Variants in RIT2 observed in about 807,000 individuals in gnomAD.
RIT2 encodes GTP-binding protein Rit2.
A neutral mutation model predicts 23.7 loss-of-function variants in RIT2; 24 were observed. That is an observed-to-expected ratio of 1.01 (90% CI 0.73 to 1.43). The LOEUF (loss-of-function observed/expected upper bound fraction) is 1.43, where lower values mean the gene tolerates loss of function less well. RIT2 is among the 40% of genes most tolerant of loss of function. The pLI is 0.00. For missense variants in RIT2, 236 were observed against 266.9 expected (o/e 0.88, Z 0.81); for synonymous variants, 107 against 91.1 (o/e 1.17, Z -0.99).
chr18:43,103,784 C>T (rs563586678), intron 1 of RIT2, among the ~76,000 whole-genome samples: 34 of 152,098 alleles, frequency 2.2e-4, no homozygotes, highest in East Asian at 1.5e-3. Context: ...TCTAAAATGA[C>T]GGTGTTGGAA....
At chr18:42,910,642 C>T (rs956295515) in intron 4 of RIT2, among the ~76,000 whole-genome samples, 5 of 152,040 alleles carry the variant, frequency 3.3e-5, no homozygotes, top group Non-Finnish European at 2.9e-5. Flanking sequence ...GAAGAAGCAC[C>T]TGAATGTTGA....
intron 1 of RIT2, among the ~76,000 whole-genome samples, chr18:43,083,557 G>A (rs892799700): frequency 1.3e-5 from 2 of 152,000 alleles, no homozygotes; most frequent in Non-Finnish European, 2.9e-5. Flanking sequence ...ACAGAACAGA[G>A]GCCTCAGAAA....
At chr18:42,772,347 A>C (rs1913571388) in intron 4 of RIT2, among the ~76,000 whole-genome samples, 1 of 152,112 alleles carries the variant, frequency 6.6e-6, no homozygotes, top group African/African-American at 2.4e-5. Context: ...ATCTCAAAGT[A>C]AGTATCTTTC....
At chr18:43,103,867 G>T (rs1204773684) in intron 1 of RIT2, among the ~76,000 whole-genome samples, 2 of 152,128 alleles carry the variant, frequency 1.3e-5, no homozygotes, top group Non-Finnish European at 2.9e-5. Context: ...GTATGAAGTG[G>T]TATGAAGAGC....
intron 2 of RIT2, among the ~76,000 whole-genome samples, chr18:43,016,648 C>A (rs1911482130): frequency 6.6e-6 from 1 of 151,788 alleles, no homozygotes; most frequent in East Asian, 1.9e-4. Context: ...AGAAAATTAT[C>A]TATCTTTGTA....
At chr18:43,044,908 C>T (rs992195399) in intron 1 of RIT2, among the ~76,000 whole-genome samples, 1 of 152,124 alleles carries the variant, frequency 6.6e-6, no homozygotes, top group African/African-American at 2.4e-5. Context: ...TTTAAAAACT[C>T]TATTCATCTT....
At chr18:43,080,929 T>C (rs1464323129) in intron 1 of RIT2, among the ~76,000 whole-genome samples, 2 of 152,186 alleles carry the variant, frequency 1.3e-5, no homozygotes, top group Non-Finnish European at 2.9e-5. Flanking sequence ...AAAAGGATTC[T>C]GTTTAGAATA....
At chr18:42,870,301 T>G (rs1334169924) in intron 4 of RIT2, among the ~76,000 whole-genome samples, 1 of 152,134 alleles carries the variant, frequency 6.6e-6, no homozygotes, top group South Asian at 2.1e-4. Flanking sequence ...AGTACAGTGG[T>G]GCGATCTCGG....
At chr18:43,089,862 C>G (rs1598779299) in intron 1 of RIT2, among the ~76,000 whole-genome samples, 1 of 152,096 alleles carries the variant, frequency 6.6e-6, no homozygotes, top group East Asian at 1.9e-4. Context: ...AAAATTGGTC[C>G]CCTTCCTTTC....
intron 1 of RIT2, among the ~76,000 whole-genome samples, chr18:43,071,653 C>A (rs1166984175): frequency 6.6e-6 from 1 of 152,128 alleles, no homozygotes; most frequent in Non-Finnish European, 1.5e-5. Flanking sequence ...ATTATTTTCT[C>A]TTCTGAGATC....
chr18:43,005,251 G>A (rs1256474716), intron 2 of RIT2, among the ~76,000 whole-genome samples: 1 of 151,738 alleles, frequency 6.6e-6, no homozygotes, highest in African/African-American at 2.4e-5. Flanking sequence ...AGGAAATATT[G>A]TAAACTAGAT....
intron 1 of RIT2, among the ~76,000 whole-genome samples, chr18:43,103,198 TC>T (rs1457772548): frequency 1.3e-5 from 2 of 152,148 alleles, no homozygotes; most frequent in African/African-American, 4.8e-5. Context: ...TCTCTATTAT[TC>T]ATGGCTCTAT....
chr18:42,826,127 C>G (rs1598670265), intron 4 of RIT2, among the ~76,000 whole-genome samples: 1 of 152,010 alleles, frequency 6.6e-6, no homozygotes, highest in East Asian at 1.9e-4. Flanking sequence ...GGCAAATGTT[C>G]ATTGTATATT....
chr18:43,025,427 T>C (rs1370805368), intron 2 of RIT2, among the ~76,000 whole-genome samples: 2 of 152,040 alleles, frequency 1.3e-5, no homozygotes, highest in African/African-American at 4.8e-5. Context: ...ATCCTGCTAC[T>C]GAGTATCTAC....
chr18:43,088,142 C>A (rs1342574916), intron 1 of RIT2, among the ~76,000 whole-genome samples: 1 of 152,072 alleles, frequency 6.6e-6, no homozygotes, highest in Admixed American at 6.6e-5. Context: ...CTCCCTACAC[C>A]ATTTTTAATC....
At chr18:42,930,342 AGGG>A (rs1334810444) in intron 3 of RIT2, among the ~76,000 whole-genome samples, 4 of 152,044 alleles carry the variant, frequency 2.6e-5, no homozygotes, top group Non-Finnish European at 5.9e-5. Context: ...GAGAAAGAAA[AGGG>A]GGGAAATCCT....
At chr18:43,011,257 A>G (rs1911344175) in intron 2 of RIT2, among the ~76,000 whole-genome samples, 1 of 151,782 alleles carries the variant, frequency 6.6e-6, no homozygotes, top group Non-Finnish European at 1.5e-5. Flanking sequence ...ATAATGTGCA[A>G]TCAGGAGAGT....
rs143436904 is a variant in RIT2 at position 43,060,744 on chromosome 18, T to C, written c.104-26877A>G. Among the ~76,000 whole-genome samples, 1,292 of 152,286 alleles carry C rather than the reference T, an allele frequency of 8.5e-3. 11 individuals carry two copies. The highest frequency in any genetic ancestry group is 0.012 in the Non-Finnish European group (835 of 68,006). On this transcript the variant is annotated intron_variant, in intron 1 of 4. Transcript: ENST00000326695. ...AGTAGATGAACTAAAACACAGTGAC[T>C]ACAGATTTTCTCTGGTGTACATAGG...
At chr18:42,847,787 T>C (rs1316961855) in intron 4 of RIT2, among the ~76,000 whole-genome samples, 3 of 151,886 alleles carry the variant, frequency 2.0e-5, no homozygotes, top group African/African-American at 7.3e-5. Context: ...GAAGATGCAA[T>C]GTACATGTAT....
Sources: gnomAD v4.1 joint callset for allele counts (sites outside exome capture counted in the v4.1 genomes callset) on GRCh38, gnomAD v4.1.1 for gene constraint, MANE v1.5 for transcripts, NCBI Gene and HGNC (gene_info 2026-07-23, HGNC 2026-07-21) for gene names.